Variants in PPIP5K2 observed in about 807,000 individuals in gnomAD.
PPIP5K2 encodes the protein inositol hexakisphosphate and diphosphoinositol-pentakisphosphate kinase 2.
In PPIP5K2, 105 loss-of-function variants were observed where a neutral mutation model predicts 154.6. The ratio of observed to expected loss-of-function variants is 0.68; its 90% CI spans 0.58 to 0.80. The LOEUF (loss-of-function observed/expected upper bound fraction) is 0.80, where lower values mean the gene tolerates loss of function less well. Ranked by LOEUF, PPIP5K2 falls within the 30% of genes least tolerant of loss-of-function variation. The probability of loss-of-function intolerance (pLI) is 0.00; values close to 1 mark genes in which losing one functional copy is unlikely to be tolerated. For synonymous variants in PPIP5K2, 480 were observed against 490.3 expected, an observed-to-expected ratio of 0.98 and a Z score of 0.28; for missense variants, 992 against 1,504.6, an observed-to-expected ratio of 0.66 and a Z score of 5.64.
intron 14 of PPIP5K2, among the ~76,000 whole-genome samples, chr5:103,156,682 C>T (rs1002242457): frequency 6.6e-6 from 1 of 152,100 alleles, no homozygotes; most frequent in African/African-American, 2.4e-5. Flanking sequence ...GGATTTCAGT[C>T]TATAGTAGAA....
At chr5:103,136,868 A>G in intron 4 of PPIP5K2, 46 bp downstream of exon 4, 1 of 1,355,100 alleles carries the variant, frequency 7.4e-7, no homozygotes, top group Non-Finnish European at 1.1e-6. Context: ...AAATAACATT[A>G]ATTTAGTACC....
chr5:103,179,331 A>G (rs1799161847), intron 23 of PPIP5K2, among the ~76,000 whole-genome samples: 2 of 151,904 alleles, frequency 1.3e-5, no homozygotes, highest in African/African-American at 4.8e-5. Context: ...GTGCGTTCTT[A>G]TTGCTTTAAA....
At chr5:103,156,247 T>C (rs1255348474) in intron 14 of PPIP5K2, among the ~76,000 whole-genome samples, 1 of 152,226 alleles carries the variant, frequency 6.6e-6, no homozygotes, top group East Asian at 1.9e-4. Context: ...ACTGCGGGAT[T>C]GTTTCGGAAA....
intron 1 of PPIP5K2, among the ~76,000 whole-genome samples, chr5:103,125,035 A>T (rs34789): frequency 0.24 from 37,205 of 152,122 alleles, 5,198 homozygotes; most frequent in East Asian, 0.45. Flanking sequence ...GTAGAGGAGT[A>T]TCTATTGGAT....
At chr5:103,142,377 G>A (rs980488608) in intron 5 of PPIP5K2, among the ~76,000 whole-genome samples, 3 of 152,034 alleles carry the variant, frequency 2.0e-5, no homozygotes, top group African/African-American at 7.2e-5. Flanking sequence ...CAGCTGGCCC[G>A]CAAGCACCGC....
At chr5:103,157,088 A>G (rs1448857430) in intron 14 of PPIP5K2, among the ~76,000 whole-genome samples, 2 of 152,190 alleles carry the variant, frequency 1.3e-5, no homozygotes, top group Non-Finnish European at 2.9e-5. Flanking sequence ...GGTCTACATG[A>G]CAAAGCTCAC....
chr5:103,165,963 T>C (rs1216931878), intron 17 of PPIP5K2, among the ~76,000 whole-genome samples: 1 of 152,084 alleles, frequency 6.6e-6, no homozygotes, highest in Non-Finnish European at 1.5e-5. Flanking sequence ...AGATCAGCTA[T>C]AGACAGTAGC....
chr5:103,174,057 T>C (rs941332705), intron 21 of PPIP5K2, 85 bp downstream of exon 21: 35 of 1,049,118 alleles, frequency 3.3e-5, no homozygotes, highest in Non-Finnish European at 6.9e-6. Flanking sequence ...TGTGAAATTT[T>C]AGTAATTCAT....
intron 2 of PPIP5K2, among the ~76,000 whole-genome samples, chr5:103,132,435 A>G (rs1006722518): frequency 9.2e-5 from 14 of 152,072 alleles, no homozygotes; most frequent in African/African-American, 3.4e-4. Context: ...AGTCCCAGCT[A>G]CTTGGGAGGC....
intron 11 of PPIP5K2, 69 bp downstream of exon 11, chr5:103,154,003 T>G (rs1228984456): frequency 1.7e-6 from 2 of 1,177,346 alleles, no homozygotes; most frequent in Non-Finnish European, 2.4e-6. Context: ...TGATCAACTC[T>G]TTTGATTAAT....
At chr5:103,142,025 G>C (rs187919697) in intron 5 of PPIP5K2, among the ~76,000 whole-genome samples, 1 of 152,208 alleles carries the variant, frequency 6.6e-6, no homozygotes, top group Admixed American at 6.5e-5. Context: ...GTCACGCGCC[G>C]TGTGCTCGCA....
rs1331544698 is a variant in PPIP5K2, at chr5:103,167,251, A to G, written c.1993A>G (p.Lys665Glu). Reference protein sequence around the residue: ...LIKNPVKTCDKVYSLIQSLTS... With the variant: ...LIKNPVKTCDEVYSLIQSLTS... ...TAAAAACCCTGTGAAGACCTGTGAT[A>G]AAGTTTATTCCTTAATTCAGAGTTT... Residue 665 changes from lysine (K) to glutamate (E), a missense_variant, in exon 18 of 31, where the codon AAA becomes GAA. Coordinates refer to ENST00000358359, the MANE Select transcript of PPIP5K2 (RefSeq NM_001276277.3). 6.2e-7 allele frequency: 1 copy of G among 1,600,096 alleles called. No individual in the cohort carries two copies. Among genetic ancestry groups the G allele is most frequent in the Admixed American group, 1.7e-5 (1 of 58,378 alleles).
intron 21 of PPIP5K2, among the ~76,000 whole-genome samples, chr5:103,176,368 C>T (rs1220596974): frequency 1.3e-5 from 2 of 151,956 alleles, no homozygotes; most frequent in Admixed American, 6.6e-5. Context: ...TTTGTGCTAA[C>T]TTACATTTAG....
At chr5:103,165,920 C>T (rs1797057798) in intron 17 of PPIP5K2, among the ~76,000 whole-genome samples, 1 of 152,102 alleles carries the variant, frequency 6.6e-6, no homozygotes. Context: ...GTTGAGCAAA[C>T]TTTCTGCTTA....
At position 103,177,875 on chromosome 5, in the gene PPIP5K2, A is replaced by T; in HGVS notation, c.2649A>T (p.Ser883=). 1 of 1,612,666 alleles carries T rather than the reference A, an allele frequency of 6.2e-7. No individual in the cohort carries two copies. Among genetic ancestry groups the T allele is most frequent in the South Asian group, 1.1e-5 (1 of 91,000 alleles). Residue 883 remains serine (S), a synonymous_variant, in exon 23 of 31, where the codon TCA becomes TCT. Coordinates refer to ENST00000358359, the MANE Select transcript of PPIP5K2 (RefSeq NM_001276277.3). The part of the protein sequence containing the change: ...LYEDPNKDLS[S]EERFHVELHF... ...GTCATATTTCTTAGGATCTTTCCTCAGAAGAACGCTTTCATGTTGAATTAC... is the reference window on the plus strand; with the variant it reads ...GTCATATTTCTTAGGATCTTTCCTCTGAAGAACGCTTTCATGTTGAATTAC...
chr5:103,132,982 G>T (rs1790887064), intron 2 of PPIP5K2, among the ~76,000 whole-genome samples: 2 of 152,180 alleles, frequency 1.3e-5, no homozygotes, highest in South Asian at 4.1e-4. Context: ...CTTCCAAGTT[G>T]TCATCAGTGA....
intron 5 of PPIP5K2, among the ~76,000 whole-genome samples, chr5:103,145,007 CATTTG>C (rs1206250028): frequency 1.3e-5 from 2 of 151,932 alleles, no homozygotes; most frequent in East Asian, 3.9e-4. Flanking sequence ...GTAAACTACC[CATTTG>C]ACAAGGGACT....
At chr5:103,189,172 C>T in intron 28 of PPIP5K2, 1 of 1,529,202 alleles carries the variant, frequency 6.5e-7, no homozygotes, top group Non-Finnish European at 8.8e-7. Flanking sequence ...TGCAGAACAC[C>T]TACACCTCTA....
At chr5:103,141,044 A>G (rs1554206476) in intron 5 of PPIP5K2, among the ~76,000 whole-genome samples, 1 of 151,738 alleles carries the variant, frequency 6.6e-6, no homozygotes, top group African/African-American at 2.4e-5. Flanking sequence ...AAAATAAGAA[A>G]TCATCTGGGC....
Sources: gnomAD v4.1 joint callset for allele counts (sites outside exome capture counted in the v4.1 genomes callset) on GRCh38, gnomAD v4.1.1 for gene constraint, MANE v1.5 for transcripts, NCBI Gene and HGNC (gene_info 2026-07-23, HGNC 2026-07-21) for gene names.